RGS6: variants seen among roughly 807,000 people sequenced by gnomAD.
RGS6 encodes the protein regulator of G-protein signaling 6.
In RGS6, 30 loss-of-function variants were observed where a neutral mutation model predicts 78.5. The observed-to-expected ratio is 0.38, with a 90% CI of 0.29 to 0.52. The LOEUF is 0.52. Ranked by LOEUF, RGS6 falls within the 20% of genes least tolerant of loss-of-function variation. The pLI, the probability that RGS6 is intolerant of heterozygous loss-of-function variation, is 0.85. For missense variants in RGS6, 495 were observed against 609.7 expected (o/e 0.81, Z 1.98); for synonymous variants, 206 against 206.0 (o/e 1.00, Z 0.00).
At chr14:72,620,091 A>G in the RGS6 span, 1 of 1,199,378 alleles carries the variant, frequency 8.3e-7, no homozygotes, top group Non-Finnish European at 1.1e-6. Flanking sequence ...GTCTCACTGG[A>G]TCCCCTTTCC....
At chr14:72,257,910 G>A (rs2057394373) in intron 2 of RGS6, among the ~76,000 whole-genome samples, 1 of 152,162 alleles carries the variant, frequency 6.6e-6, no homozygotes, top group Non-Finnish European at 1.5e-5. Flanking sequence ...CACTGCTCTA[G>A]CATTGTTTAT....
At chr14:72,389,615 A>G (rs1376119618) in intron 3 of RGS6, among the ~76,000 whole-genome samples, 2 of 152,222 alleles carry the variant, frequency 1.3e-5, no homozygotes, top group African/African-American at 4.8e-5. Flanking sequence ...AACAGAGTCC[A>G]GGGAATATTT....
chr14:71,975,298 TAA>T (rs1317823782), intron 2 of RGS6, among the ~76,000 whole-genome samples: 1 of 152,270 alleles, frequency 6.6e-6, no homozygotes, highest in African/African-American at 2.4e-5. Context: ...CAGTTGGCTG[TAA>T]GTTTGATTAT....
At chr14:71,990,207 A>G (rs1477475997) in intron 2 of RGS6, among the ~76,000 whole-genome samples, 1 of 152,104 alleles carries the variant, frequency 6.6e-6, no homozygotes, top group Non-Finnish European at 1.5e-5. Context: ...CCTATAACTC[A>G]AACACCTTCC....
At chr14:72,466,755 T>C (rs2095925325) in intron 7 of RGS6, among the ~76,000 whole-genome samples, 1 of 152,236 alleles carries the variant, frequency 6.6e-6, no homozygotes, top group Non-Finnish European at 1.5e-5. Flanking sequence ...GATGGAACTG[T>C]TCTGTATCCT....
chr14:71,917,533 C>T, the RGS6 span, among the ~76,000 whole-genome samples: 1 of 152,070 alleles, frequency 6.6e-6, no homozygotes, highest in Non-Finnish European at 1.5e-5. Flanking sequence ...GTTTGTCTAC[C>T]CGCGACCTTG....
At chr14:72,020,275 G>A (rs1182833159) in intron 2 of RGS6, among the ~76,000 whole-genome samples, 1 of 152,148 alleles carries the variant, frequency 6.6e-6, no homozygotes, top group East Asian at 1.9e-4. Flanking sequence ...GAAAGGATTG[G>A]GCCAAAGTGG....
intron 2 of RGS6, among the ~76,000 whole-genome samples, chr14:72,162,762 A>G (rs2096870557): frequency 6.6e-6 from 1 of 152,200 alleles, no homozygotes; most frequent in Admixed American, 6.5e-5. Flanking sequence ...CCATCAATCA[A>G]TGAGTGGATA....
At chr14:72,206,887 G>T (rs1011069941) in intron 2 of RGS6, among the ~76,000 whole-genome samples, 1 of 151,984 alleles carries the variant, frequency 6.6e-6, no homozygotes, top group African/African-American at 2.4e-5. Context: ...CAACCACATA[G>T]ATTTGTTTGG....
chr14:72,198,207 G>A (rs1367098692), intron 2 of RGS6, among the ~76,000 whole-genome samples: 2 of 152,108 alleles, frequency 1.3e-5, no homozygotes, highest in African/African-American at 4.8e-5. Context: ...CAAAAAATAA[G>A]CTGGGTGCGA....
chr14:71,881,151 T>G, the RGS6 span, among the ~76,000 whole-genome samples: 1 of 152,244 alleles, frequency 6.6e-6, no homozygotes, highest in Admixed American at 6.5e-5. Flanking sequence ...TTATTCCATT[T>G]GGAATGGGTG....
At chr14:72,516,532 G>A (rs1567032041) in intron 14 of RGS6, among the ~76,000 whole-genome samples, 2 of 152,166 alleles carry the variant, frequency 1.3e-5, no homozygotes, top group Non-Finnish European at 2.9e-5. Context: ...GCTGTGGAAG[G>A]GCAGGGGACA....
chr14:72,573,009 G>C, the RGS6 span, among the ~76,000 whole-genome samples: 1 of 152,130 alleles, frequency 6.6e-6, no homozygotes, highest in African/African-American at 2.4e-5. Flanking sequence ...GTCACCAAGA[G>C]AACAGGGCTG....
chr14:72,446,931 T>C (rs2095379429), intron 3 of RGS6, among the ~76,000 whole-genome samples: 1 of 152,046 alleles, frequency 6.6e-6, no homozygotes, highest in Non-Finnish European at 1.5e-5. Flanking sequence ...TAAATACAGA[T>C]GAAGCTTCAC....
chr14:72,441,050 A>G (rs2095177046), intron 3 of RGS6, among the ~76,000 whole-genome samples: 2 of 152,266 alleles, frequency 1.3e-5, no homozygotes, highest in African/African-American at 4.8e-5. Flanking sequence ...GCATCTATGC[A>G]TGTGTGCAGG....
At chr14:72,127,304 T>G (rs956231612) in intron 2 of RGS6, among the ~76,000 whole-genome samples, 5 of 152,232 alleles carry the variant, frequency 3.3e-5, no homozygotes, top group African/African-American at 1.2e-4. Context: ...AATTGTTACC[T>G]TTACTCTGAA....
At chr14:72,269,814 C>T (rs1035973971) in intron 2 of RGS6, among the ~76,000 whole-genome samples, 1 of 152,090 alleles carries the variant, frequency 6.6e-6, no homozygotes, top group Non-Finnish European at 1.5e-5. Flanking sequence ...ATCTGCCCAC[C>T]TTGGCCTTCC....
chr14:71,947,595 C>T (rs1382938420), intron 1 of RGS6, among the ~76,000 whole-genome samples: 3 of 152,152 alleles, frequency 2.0e-5, no homozygotes. Flanking sequence ...AGTGATCCTC[C>T]CACCTCAGCC....
intron 3 of RGS6, among the ~76,000 whole-genome samples, chr14:72,356,456 T>A (rs1345715374): frequency 1.3e-5 from 2 of 152,208 alleles, no homozygotes; most frequent in Non-Finnish European, 2.9e-5. Flanking sequence ...AATTACCCAG[T>A]CTCAGATCAT....
Sources: gnomAD v4.1 joint callset for allele counts (sites outside exome capture counted in the v4.1 genomes callset) on GRCh38, gnomAD v4.1.1 for gene constraint, MANE v1.5 for transcripts, NCBI Gene and HGNC (gene_info 2026-07-23, HGNC 2026-07-21) for gene names.